The following OAT variants were observed in gnomAD, a reference collection of about 807,000 sequenced individuals.
OAT encodes ornithine aminotransferase, mitochondrial.
OAT carries 35 observed loss-of-function variants against 48.4 expected under a neutral mutation model. That is an observed-to-expected ratio of 0.72 (90% CI 0.55 to 0.96). OAT has a LOEUF of 0.96. Ranked by LOEUF, OAT falls within the 40% of genes least tolerant of loss-of-function variation. The probability of loss-of-function intolerance (pLI) is 0.00; values close to 1 mark genes in which losing one functional copy is unlikely to be tolerated. For missense variants in OAT, 438 were observed against 537.9 expected, an observed-to-expected ratio of 0.81 and a Z score of 1.84; for synonymous variants, 182 against 198.4, an observed-to-expected ratio of 0.92 and a Z score of 0.70.
At chr10:124,401,876 A>T (rs755246216) in intron 7 of OAT, 37 bp from the exon 8 acceptor site, 3 of 1,465,224 alleles carry the variant, frequency 2.0e-6, no homozygotes, top group Admixed American at 1.7e-5. Flanking sequence ...ATTTCTCAGC[A>T]CTAAGCATTC....
chr10:124,417,509 T>C (rs1951956919), intron 1 of OAT, among the ~76,000 whole-genome samples: 1 of 152,102 alleles, frequency 6.6e-6, no homozygotes, highest in Admixed American at 6.6e-5. Context: ...AGTCTCAAAC[T>C]CCTGGCCTCA....
chr10:124,406,580 C>T (rs1003789211), intron 4 of OAT, among the ~76,000 whole-genome samples: 4 of 151,768 alleles, frequency 2.6e-5, no homozygotes, highest in African/African-American at 9.7e-5. Context: ...CTTTGGGAGG[C>T]CGAGGCAGGC....
chr10:124,416,390 G>A (rs1951919233), intron 1 of OAT, among the ~76,000 whole-genome samples: 1 of 152,044 alleles, frequency 6.6e-6, no homozygotes, highest in South Asian at 2.1e-4. Context: ...TCTAAGAGGG[G>A]GTGTTCACTC....
intron 5 of OAT, among the ~76,000 whole-genome samples, chr10:124,404,179 A>G (rs534241528): frequency 6.6e-6 from 1 of 151,976 alleles, no homozygotes; most frequent in South Asian, 2.1e-4. Flanking sequence ...ATGGCCCACT[A>G]AAGTCTCGAA....
intron 1 of OAT, among the ~76,000 whole-genome samples, chr10:124,418,660 A>G (rs1227525171): frequency 6.6e-6 from 1 of 150,878 alleles, no homozygotes; most frequent in Non-Finnish European, 1.5e-5. Flanking sequence ...CCGGCCGGAG[A>G]CTCCAGGGCG....
intron 1 of OAT, among the ~76,000 whole-genome samples, chr10:124,415,229 T>G (rs899730819): frequency 6.6e-6 from 1 of 152,134 alleles, no homozygotes; most frequent in Non-Finnish European, 1.5e-5. Flanking sequence ...TTAGGCAGTT[T>G]TATTAAAGAA....
At position 124,405,443 on chromosome 10, in the gene OAT, G is replaced by T. The variant is rs1263215986; in HGVS notation, c.641C>A (p.Ala214Glu). 1 of 1,613,776 alleles carries T rather than the reference G, an allele frequency of 6.2e-7. No homozygotes were observed. The highest frequency in any genetic ancestry group is 8.5e-7 in the Non-Finnish European group (1 of 1,179,698). The change falls in exon 5 of 10, where the codon GCA (alanine) becomes GAA (glutamate). Residue 214 changes from alanine (A) to glutamate (E), a missense_variant. Transcript: ENST00000368845. The stretch of plus-strand genomic sequence containing the variant: ...ATGATGCTAGTGAAATACCTCCAGT[G>T]CGGGCAGATCATTATAGGGAATGAT... Reference protein sequence around the residue: ...FDIIPYNDLPALERALQDPNV... With the variant: ...FDIIPYNDLPELERALQDPNV...
chr10:124,412,936 T>G (rs1349425156), intron 1 of OAT, among the ~76,000 whole-genome samples: 1 of 152,108 alleles, frequency 6.6e-6, no homozygotes, highest in South Asian at 2.1e-4. Flanking sequence ...GCTACAACTG[T>G]AGGGCAGAGA....
Position 124,397,731 on chromosome 10 carries a change from T to C in OAT, c.*211A>G, listed in dbSNP as rs182296727. The C allele has an allele frequency of 2.4e-4, 135 of 559,686 alleles. No individual in the cohort carries two copies. The highest frequency in any genetic ancestry group is 2.4e-3 in the African/African-American group (125 of 53,020). 34.7% of individuals were successfully genotyped at this position (559,686 alleles called of 1,614,324 possible). A position where few individuals can be genotyped will look rare whatever the true frequency, so the allele number is the denominator to read the frequency against. On this transcript the variant is annotated 3_prime_UTR_variant, in exon 10 of 10. Transcript: ENST00000368845. The stretch of plus-strand genomic sequence containing the variant: ...CACATCAAAACACTTCAACTGAATA[T>C]AGATGCCATTACATTATTTAGTTAC...
intron 1 of OAT, among the ~76,000 whole-genome samples, chr10:124,416,830 C>T (rs1427935074): frequency 3.3e-5 from 5 of 149,462 alleles, no homozygotes; most frequent in Non-Finnish European, 5.9e-5. Flanking sequence ...CAAATATTTA[C>T]TTTTCCTGAG....
intron 4 of OAT, among the ~76,000 whole-genome samples, chr10:124,406,709 A>G (rs1951588564): frequency 6.7e-6 from 1 of 149,298 alleles, no homozygotes; most frequent in Admixed American, 6.8e-5. Context: ...CCAGCTACAC[A>G]GGAGGCTGAG....
intron 7 of OAT, among the ~76,000 whole-genome samples, chr10:124,402,521 C>A (rs1443601080): frequency 6.6e-6 from 1 of 152,230 alleles, no homozygotes; most frequent in Non-Finnish European, 1.5e-5. Context: ...GTAACAATTA[C>A]TGGCTCTGAA....
chr10:124,404,009 A>C, intron 5 of OAT, 89 bp from the exon 6 acceptor site: 1 of 1,520,416 alleles, frequency 6.6e-7, no homozygotes, highest in Non-Finnish European at 9.1e-7. Flanking sequence ...TTTTACATTA[A>C]GTATGCAAAT....
chr10:124,412,229 A>G, intron 1 of OAT, 29 bp from the exon 2 acceptor site: 2 of 1,532,370 alleles, frequency 1.3e-6, no homozygotes, highest in Non-Finnish European at 1.8e-6. Flanking sequence ...ATGCATTAAG[A>G]GTGAGAATCC....
In OAT at chr10:124,418,887, G is replaced by C. The variant is rs536244302; in HGVS notation, c.-44C>G. The C allele has an allele frequency of 1.3e-5, 2 of 152,276 alleles. No homozygotes were observed. Among genetic ancestry groups the C allele is most frequent in the African/African-American group, 4.8e-5 (2 of 41,458 alleles). 9.4% of individuals were successfully genotyped at this position (152,276 alleles called of 1,614,324 possible). A position where few individuals can be genotyped will look rare whatever the true frequency, so the allele number is the denominator to read the frequency against. Reference sequence around the variant, plus strand: ...CCAGACGGTACCTGACAGCGCCTGAGGACAACCGGGTACACGCGGCGTCTA... The same window carrying C: ...CCAGACGGTACCTGACAGCGCCTGACGACAACCGGGTACACGCGGCGTCTA... On this transcript the variant is annotated 5_prime_UTR_variant, in exon 1 of 10. Coordinates refer to ENST00000368845, the MANE Select transcript of OAT (RefSeq NM_000274.4).
At chr10:124,411,859 G>T (rs749630549) in intron 2 of OAT, 114 bp downstream of exon 2, 112 of 875,116 alleles carry the variant, frequency 1.3e-4, no homozygotes, top group Non-Finnish European at 1.8e-4. Flanking sequence ...AACCATGTCT[G>T]CAATATACAC....
At chr10:124,404,909 T>C (rs182017668) in intron 5 of OAT, among the ~76,000 whole-genome samples, 323 of 152,078 alleles carry the variant, frequency 2.1e-3, no homozygotes, top group Non-Finnish European at 3.4e-3. Context: ...TTGGGTGTGG[T>C]GGTGTGTGCC....
chr10:124,408,416 G>T, intron 4 of OAT, 126 bp downstream of exon 4: 1 of 709,956 alleles, frequency 1.4e-6, no homozygotes, highest in Non-Finnish European at 2.4e-6. Context: ...GAACTCCAGG[G>T]CTCAAAGACT....
intron 2 of OAT, among the ~76,000 whole-genome samples, chr10:124,411,004 G>A (rs1331855307): frequency 6.6e-6 from 1 of 151,814 alleles, no homozygotes; most frequent in Non-Finnish European, 1.5e-5. Flanking sequence ...GCTGGACGTG[G>A]TGGCGTGGGC....
Sources: allele counts gnomAD v4.1 joint callset (sites outside exome capture counted in the v4.1 genomes callset), GRCh38; gene constraint gnomAD v4.1.1; transcripts MANE v1.5; gene names NCBI Gene and HGNC (gene_info 2026-07-23, HGNC 2026-07-21).